RARB: variants seen among roughly 807,000 people sequenced by gnomAD.
RARB encodes retinoic acid receptor beta.
A neutral mutation model predicts 51.9 loss-of-function variants in RARB; 17 were observed. The ratio of observed to expected loss-of-function variants is 0.33; its 90% CI spans 0.22 to 0.49. The LOEUF (loss-of-function observed/expected upper bound fraction) is 0.49, where lower values mean the gene tolerates loss of function less well. Among genes scored for constraint, RARB ranks in the 20% least tolerant of loss-of-function variants. RARB has a pLI of 0.99. For synonymous variants in RARB, 215 were observed against 195.4 expected (o/e 1.10, Z -0.84); for missense variants, 369 against 550.8 (o/e 0.67, Z 3.30).
At chr3:25,337,465 G>A (rs953468614) in intron 5 of RARB, among the ~76,000 whole-genome samples, 2 of 152,096 alleles carry the variant, frequency 1.3e-5, no homozygotes, top group African/African-American at 4.8e-5. Flanking sequence ...GCTACATTTA[G>A]CCTCACTTTC....
intron 3 of RARB, among the ~76,000 whole-genome samples, chr3:25,077,906 A>G (rs887929728): frequency 3.9e-5 from 6 of 152,038 alleles, no homozygotes; most frequent in Non-Finnish European, 7.4e-5. Context: ...GCAGTATCTC[A>G]TTTTTCCTTT....
intron 5 of RARB, among the ~76,000 whole-genome samples, chr3:25,303,887 G>A (rs114043470): frequency 0.02 from 3,000 of 152,124 alleles, 83 homozygotes; most frequent in African/African-American, 0.064. Context: ...TGCAACTGTG[G>A]GTGGCCCACA....
intron 5 of RARB, among the ~76,000 whole-genome samples, chr3:25,376,447 G>A (rs1388859216): frequency 6.6e-6 from 1 of 152,152 alleles, no homozygotes; most frequent in East Asian, 1.9e-4. Context: ...TATGGCCCCA[G>A]ATACAACCTT....
intron 4 of RARB, among the ~76,000 whole-genome samples, chr3:25,173,022 T>A (rs558754603): frequency 2.0e-5 from 3 of 152,238 alleles, no homozygotes; most frequent in African/African-American, 7.2e-5. Flanking sequence ...TACTCTTGTT[T>A]CGTGCCACAT....
intron 2 of RARB, among the ~76,000 whole-genome samples, chr3:24,892,157 C>A (rs1242809041): frequency 6.6e-6 from 1 of 151,348 alleles, no homozygotes; most frequent in Non-Finnish European, 1.5e-5. Context: ...TTCTCAAGGA[C>A]CCCGACTCAT....
chr3:25,295,993 A>G (rs1043286580), intron 5 of RARB, among the ~76,000 whole-genome samples: 8 of 152,244 alleles, frequency 5.3e-5, no homozygotes, highest in Non-Finnish European at 2.9e-5. Context: ...TCAAAAGTGC[A>G]TCTTGTTGGC....
At chr3:25,075,844 C>T (rs541266796) in intron 3 of RARB, among the ~76,000 whole-genome samples, 148 of 152,266 alleles carry the variant, frequency 9.7e-4, no homozygotes, top group Non-Finnish European at 1.8e-3. Flanking sequence ...TGATTTTAGG[C>T]TTATCAACTG....
intron 5 of RARB, among the ~76,000 whole-genome samples, chr3:25,213,775 C>T (rs1037586601): frequency 7.2e-5 from 11 of 152,300 alleles, no homozygotes; most frequent in African/African-American, 2.6e-4. Context: ...AGATGTCAAA[C>T]TATGGTCAAT....
intron 3 of RARB, among the ~76,000 whole-genome samples, chr3:25,130,790 A>T (rs1699932814): frequency 6.6e-6 from 1 of 151,856 alleles, no homozygotes; most frequent in Non-Finnish European, 1.5e-5. Flanking sequence ...CCTTGCATAC[A>T]GAAACTGCTT....
At chr3:25,573,480 G>A (rs1025758193) in intron 4 of RARB, among the ~76,000 whole-genome samples, 6 of 152,272 alleles carry the variant, frequency 3.9e-5, no homozygotes, top group Middle Eastern at 3.4e-3. Context: ...GCATCCTTCC[G>A]GAGGCCTGCT....
intron 2 of RARB, among the ~76,000 whole-genome samples, chr3:25,473,898 G>A (rs1412920092): frequency 5.4e-4 from 62 of 114,106 alleles, no homozygotes; most frequent in Non-Finnish European, 1.7e-4. Flanking sequence ...TGCTTCTATG[G>A]AGGTATTTTC....
chr3:24,962,554 C>A (rs1696164539), intron 2 of RARB, among the ~76,000 whole-genome samples: 1 of 152,196 alleles, frequency 6.6e-6, no homozygotes, highest in Admixed American at 6.5e-5. Flanking sequence ...GGCCGCACAG[C>A]AGGAGTTAAG....
chr3:24,907,956 C>A (rs1575065747), intron 2 of RARB, among the ~76,000 whole-genome samples: 1 of 152,124 alleles, frequency 6.6e-6, no homozygotes, highest in East Asian at 1.9e-4. Flanking sequence ...TGGAAATGTT[C>A]CCCCTGCAAT....
At chr3:25,461,947 C>T (rs1009165440) in intron 2 of RARB, among the ~76,000 whole-genome samples, 7 of 152,188 alleles carry the variant, frequency 4.6e-5, no homozygotes, top group East Asian at 1.9e-4. Context: ...TGAAAAGCAT[C>T]GTTCTTTTTC....
intron 3 of RARB, among the ~76,000 whole-genome samples, chr3:25,107,739 T>G (rs1483380636): frequency 2.0e-5 from 3 of 152,210 alleles, no homozygotes; most frequent in African/African-American, 7.2e-5. Context: ...TAATATGCTG[T>G]AATAAAATGT....
intron 2 of RARB, among the ~76,000 whole-genome samples, chr3:24,949,644 A>C (rs1202962750): frequency 3.9e-5 from 6 of 152,196 alleles, no homozygotes; most frequent in Admixed American, 3.3e-4. Flanking sequence ...GACTATTTTG[A>C]GGTGAGAATA....
At chr3:24,977,603 A>G (rs1402918479) in intron 2 of RARB, among the ~76,000 whole-genome samples, 1 of 152,178 alleles carries the variant, frequency 6.6e-6, no homozygotes, top group African/African-American at 2.4e-5. Flanking sequence ...AATTTTGCAC[A>G]TTGATTTTTG....
At chr3:24,905,960 G>C (rs1400133814) in intron 2 of RARB, among the ~76,000 whole-genome samples, 1 of 152,198 alleles carries the variant, frequency 6.6e-6, no homozygotes, top group Non-Finnish European at 1.5e-5. Flanking sequence ...ACAAGACAGT[G>C]AACTCTTTGA....
At chr3:25,320,112 C>T (rs531958566) in intron 5 of RARB, among the ~76,000 whole-genome samples, 1 of 150,984 alleles carries the variant, frequency 6.6e-6, no homozygotes, top group African/African-American at 2.4e-5. Flanking sequence ...TGCTAAGGAA[C>T]CTCTGACCCC....
Sources: gnomAD v4.1 joint callset for allele counts (sites outside exome capture counted in the v4.1 genomes callset) on GRCh38, gnomAD v4.1.1 for gene constraint, MANE v1.5 for transcripts, NCBI Gene and HGNC (gene_info 2026-07-23, HGNC 2026-07-21) for gene names.